Variants in SPSB4 observed in about 807,000 individuals in gnomAD.
SPSB4 encodes the protein splA/ryanodine receptor domain and SOCS box containing 4, also known as SPRY domain-containing SOCS box protein 4.
A neutral mutation model predicts 20.9 loss-of-function variants in SPSB4; 21 were observed. The ratio of observed to expected loss-of-function variants is 1.01; its 90% CI spans 0.71 to 1.45. The LOEUF (loss-of-function observed/expected upper bound fraction) is 1.45. SPSB4 is among the 40% of genes most tolerant of loss of function. SPSB4 has a pLI of 0.00. For missense variants in SPSB4, 399 were observed against 399.2 expected (o/e 1.00, Z 0.00); for synonymous variants, 207 against 183.8 (o/e 1.13, Z -1.02).
At chr3:141,067,681 G>A (rs1402675453) in intron 2 of SPSB4, among the ~76,000 whole-genome samples, 1 of 152,080 alleles carries the variant, frequency 6.6e-6, no homozygotes, top group African/African-American at 2.4e-5. Flanking sequence ...AGGGAGACAG[G>A]GTGGCCTCTG....
At chr3:141,137,260 T>C (rs1939244963) in intron 2 of SPSB4, among the ~76,000 whole-genome samples, 1 of 152,224 alleles carries the variant, frequency 6.6e-6, no homozygotes, top group Non-Finnish European at 1.5e-5. Context: ...TGGGGTTTTC[T>C]AGATGTACAA....
At chr3:141,056,352 AGTT>A (rs1246791192) in intron 1 of SPSB4, among the ~76,000 whole-genome samples, 1 of 152,092 alleles carries the variant, frequency 6.6e-6, no homozygotes, top group Non-Finnish European at 1.5e-5. Flanking sequence ...GAAATGTGCA[AGTT>A]GTACAGATTC....
chr3:141,064,780 C>G (rs1248644748), intron 1 of SPSB4, among the ~76,000 whole-genome samples: 1 of 152,210 alleles, frequency 6.6e-6, no homozygotes, highest in African/African-American at 2.4e-5. Context: ...GGCTCTCCAT[C>G]TCTCTCCATA....
chr3:141,145,018 G>A (rs916283555), intron 2 of SPSB4, among the ~76,000 whole-genome samples: 1 of 152,048 alleles, frequency 6.6e-6, no homozygotes, highest in Non-Finnish European at 1.5e-5. Context: ...GTCAAATGTT[G>A]GCCTAGGCAC....
chr3:141,103,606 T>C (rs1192135274), intron 2 of SPSB4, among the ~76,000 whole-genome samples: 1 of 152,090 alleles, frequency 6.6e-6, no homozygotes, highest in African/African-American at 2.4e-5. Flanking sequence ...TCCCATTCCC[T>C]CCGCACAACA....
chr3:141,088,210 G>A (rs1006074409), intron 2 of SPSB4, among the ~76,000 whole-genome samples: 3 of 152,180 alleles, frequency 2.0e-5, no homozygotes, highest in African/African-American at 4.8e-5. Flanking sequence ...TGGCTTCAAG[G>A]GAAGTTGTTG....
chr3:141,139,747 T>G (rs953671206), intron 2 of SPSB4, among the ~76,000 whole-genome samples: 3 of 152,242 alleles, frequency 2.0e-5, no homozygotes, highest in African/African-American at 7.2e-5. Flanking sequence ...AACCCCACCT[T>G]TCACTCAGGC....
chr3:141,108,984 G>T (rs1199542171), intron 2 of SPSB4, among the ~76,000 whole-genome samples: 1 of 152,210 alleles, frequency 6.6e-6, no homozygotes, highest in Non-Finnish European at 1.5e-5. Context: ...CCAGATCATG[G>T]AGGGTGACCC....
At chr3:141,083,283 T>C (rs1938275342) in intron 2 of SPSB4, among the ~76,000 whole-genome samples, 1 of 152,116 alleles carries the variant, frequency 6.6e-6, no homozygotes, top group African/African-American at 2.4e-5. Context: ...CCCGGCTGGT[T>C]TGGAGGGCCC....
chr3:141,075,799 C>A (rs1474489162), intron 2 of SPSB4, among the ~76,000 whole-genome samples: 1 of 151,118 alleles, frequency 6.6e-6, no homozygotes, highest in Non-Finnish European at 1.5e-5. Context: ...GTAATCCCAG[C>A]ACTTTGGGAG....
At chr3:141,084,913 C>A (rs973538120) in intron 2 of SPSB4, among the ~76,000 whole-genome samples, 2 of 152,142 alleles carry the variant, frequency 1.3e-5, no homozygotes, top group African/African-American at 4.8e-5. Context: ...CCAGTAAGTC[C>A]GAAAGACAGC....
intron 2 of SPSB4, among the ~76,000 whole-genome samples, chr3:141,083,128 G>A (rs955211024): frequency 6.6e-6 from 1 of 152,314 alleles, no homozygotes. Context: ...GGCTTCCTTA[G>A]ATTTGGGTTT....
chr3:141,052,379 G>T (rs1487914696), intron 1 of SPSB4, among the ~76,000 whole-genome samples: 1 of 152,158 alleles, frequency 6.6e-6, no homozygotes. Flanking sequence ...ATTTTATAGG[G>T]GTATTGGAAA....
chr3:141,067,490 A>T (rs1438302187), intron 2 of SPSB4, among the ~76,000 whole-genome samples: 1 of 152,250 alleles, frequency 6.6e-6, no homozygotes, highest in African/African-American at 2.4e-5. Flanking sequence ...TAAAGTTGAC[A>T]GCTGCTGAAA....
chr3:141,129,905 C>T (rs1461709738), intron 2 of SPSB4, among the ~76,000 whole-genome samples: 2 of 152,224 alleles, frequency 1.3e-5, no homozygotes. Flanking sequence ...AAAATGAGGG[C>T]CCCACCTGGG....
intron 2 of SPSB4, chr3:141,115,343 T>C (rs989702288): frequency 5.9e-5 from 9 of 152,220 alleles, no homozygotes; most frequent in African/African-American, 2.2e-4. Context: ...TATTCTGCGA[T>C]AGAAGTGACA....
At chr3:141,143,370 C>A (rs1270110793) in intron 2 of SPSB4, among the ~76,000 whole-genome samples, 10 of 152,146 alleles carry the variant, frequency 6.6e-5, no homozygotes, top group African/African-American at 2.4e-4. Context: ...AGCTGGACTG[C>A]AAAGATTGGT....
At chr3:141,061,379 C>T (rs1300934769) in intron 1 of SPSB4, among the ~76,000 whole-genome samples, 1 of 151,760 alleles carries the variant, frequency 6.6e-6, no homozygotes, top group African/African-American at 2.4e-5. Flanking sequence ...AGTTTTTGTC[C>T]TTTTTTTGTA....
chr3:141,117,469 C>T (rs1239423766), intron 2 of SPSB4, among the ~76,000 whole-genome samples: 1 of 152,198 alleles, frequency 6.6e-6, no homozygotes, highest in African/African-American at 2.4e-5. Flanking sequence ...TTGGGGCCAC[C>T]TAGTAACTTT....
Sources: allele counts gnomAD v4.1 joint callset (sites outside exome capture counted in the v4.1 genomes callset), GRCh38; gene constraint gnomAD v4.1.1; transcripts MANE v1.5; gene names NCBI Gene and HGNC (gene_info 2026-07-23, HGNC 2026-07-21).